The following FGF12 variants were observed in gnomAD, a reference collection of about 807,000 sequenced individuals.
The protein encoded by FGF12 is fibroblast growth factor 12B.
In FGF12, 14 loss-of-function variants were observed where a neutral mutation model predicts 23.6. The ratio of observed to expected loss-of-function variants is 0.59; its 90% CI spans 0.39 to 0.93. The LOEUF (loss-of-function observed/expected upper bound fraction) is 0.93. Ranked by LOEUF, FGF12 falls within the 40% of genes least tolerant of loss-of-function variation. FGF12 has a pLI of 0.00. For synonymous variants in FGF12, 62 were observed against 77.3 expected (o/e 0.80, Z 1.04); for missense variants, 175 against 217.8 (o/e 0.80, Z 1.24).
At chr3:192,433,549 T>C (rs988900322) in intron 2 of FGF12, among the ~76,000 whole-genome samples, 1 of 152,218 alleles carries the variant, frequency 6.6e-6, no homozygotes, top group Non-Finnish European at 1.5e-5. Context: ...AATGTTTTCA[T>C]CCTGTAACAT....
chr3:192,461,498 T>TTA (rs1393190699), intron 2 of FGF12, among the ~76,000 whole-genome samples: 2 of 152,166 alleles, frequency 1.3e-5, no homozygotes, highest in African/African-American at 4.8e-5. Context: ...ATAAGGTAAA[T>TTA]TATAAACTAG....
chr3:192,351,719 C>T (rs1351122457), intron 3 of FGF12, among the ~76,000 whole-genome samples: 7 of 152,164 alleles, frequency 4.6e-5, no homozygotes, highest in Non-Finnish European at 7.3e-5. Flanking sequence ...AGGGAAAACA[C>T]AAAAGCAGAT....
At chr3:192,701,554 A>C (rs567975372) in intron 2 of FGF12, among the ~76,000 whole-genome samples, 34 of 152,316 alleles carry the variant, frequency 2.2e-4, no homozygotes, top group African/African-American at 7.9e-4. Context: ...AACAGCAACC[A>C]AGAGAATTTT....
chr3:192,324,802 T>C (rs1716736316), intron 4 of FGF12, among the ~76,000 whole-genome samples: 1 of 152,168 alleles, frequency 6.6e-6, no homozygotes, highest in African/African-American at 2.4e-5. Context: ...AAGAAAAATA[T>C]AAAATCTGGC....
At chr3:192,404,905 C>G (rs1386838447) in intron 2 of FGF12, among the ~76,000 whole-genome samples, 2 of 152,122 alleles carry the variant, frequency 1.3e-5, no homozygotes, top group Non-Finnish European at 2.9e-5. Context: ...TATCTCTGTT[C>G]TAATTATAAA....
intron 4 of FGF12, among the ~76,000 whole-genome samples, chr3:192,179,549 ATTT>A (rs10608823): frequency 7.2e-6 from 1 of 139,474 alleles, no homozygotes; most frequent in African/African-American, 2.6e-5. Context: ...TGTAAGGTTG[ATTT>A]TTTTTTTTTT....
rs370244844 is a variant in FGF12, at chr3:192,190,722, A to G, written c.229-20066T>C. Among the ~76,000 whole-genome samples the G allele has an allele frequency of 3.1e-3, 472 of 150,970 alleles. 7 individuals carry two copies. Among genetic ancestry groups the G allele is most frequent in the East Asian group, 0.03 (154 of 5,118 alleles). ...CATCTCCTGACCTCGTGATCCGCCC[A>G]CCTCGGCCTCCCAAAGTGCTGGGAT... On this transcript the variant is annotated intron_variant, in intron 4 of 5. Coordinates refer to ENST00000445105, the MANE Select transcript of FGF12 (RefSeq NM_004113.6).
intron 4 of FGF12, among the ~76,000 whole-genome samples, chr3:192,223,682 T>C (rs532786274): frequency 1.3e-5 from 2 of 152,224 alleles, no homozygotes; most frequent in Admixed American, 6.5e-5. Flanking sequence ...TAACTGTCTA[T>C]TACAGGTATA....
At chr3:192,190,468 C>CTTTTTTTTTTTTTTTTTTT (rs34108891) in intron 4 of FGF12, among the ~76,000 whole-genome samples, 2 of 89,104 alleles carry the variant, frequency 2.2e-5, no homozygotes, top group East Asian at 4.0e-4. Flanking sequence ...GCCCAATACT[C>CTTTTTTTTTTTTTTTTTTT]TTTTTTTTTT....
At chr3:192,197,765 A>G (rs922064592) in intron 4 of FGF12, among the ~76,000 whole-genome samples, 1 of 152,002 alleles carries the variant, frequency 6.6e-6, no homozygotes, top group African/African-American at 2.4e-5. Flanking sequence ...ACCAACATGA[A>G]GAAACCCCGT....
chr3:192,223,490 G>A (rs935553646), intron 4 of FGF12, among the ~76,000 whole-genome samples: 1 of 152,062 alleles, frequency 6.6e-6, no homozygotes, highest in African/African-American at 2.4e-5. Context: ...ATCTTACTCC[G>A]TGGCTCCTCA....
rs1199517763 is a variant in FGF12, at chr3:192,408,921, G to A, written c.14-48383C>T. On this transcript the variant is annotated intron_variant, in intron 2 of 5. Transcript: ENST00000445105. The surrounding 1 kb of genome is among the most constrained non-coding windows in gnomAD (Gnocchi z 7.3). ...TCGCGCCGGCTGCGGCTTTCCAGGGGCCGGCCACCCGAGTTCTGGAATTCC... is the reference window on the plus strand; with the variant it reads ...TCGCGCCGGCTGCGGCTTTCCAGGGACCGGCCACCCGAGTTCTGGAATTCC... 5 of 985,178 alleles carry A rather than the reference G, an allele frequency of 5.1e-6. No individual in the cohort carries two copies. The highest frequency in any genetic ancestry group is 4.8e-6 in the Non-Finnish European group (4 of 829,968). 61.0% of individuals were successfully genotyped at this position (985,178 alleles called of 1,614,324 possible).
chr3:192,427,312 C>A (rs1455166168), intron 2 of FGF12, among the ~76,000 whole-genome samples: 1 of 150,870 alleles, frequency 6.6e-6, no homozygotes, highest in African/African-American at 2.4e-5. Context: ...ACCCAGGAGG[C>A]AGAGGTTGCA....
chr3:192,163,527 A>G (rs1236454759), intron 5 of FGF12, among the ~76,000 whole-genome samples: 1 of 152,192 alleles, frequency 6.6e-6, no homozygotes, highest in African/African-American at 2.4e-5. Context: ...ATTTGACCAA[A>G]AGGAGCTTAG....
chr3:192,158,314 CTCTT>C (rs149884882), intron 5 of FGF12, among the ~76,000 whole-genome samples: 9,538 of 119,958 alleles, frequency 0.08, 570 homozygotes, highest in Non-Finnish European at 0.1. Flanking sequence ...TTTCCCTTTT[CTCTT>C]TCTTTCTTTC....
At chr3:192,259,467 T>C (rs1439027562) in intron 4 of FGF12, among the ~76,000 whole-genome samples, 2 of 152,102 alleles carry the variant, frequency 1.3e-5, no homozygotes, top group African/African-American at 4.8e-5. Context: ...TTATGTTATT[T>C]AAAAACTCCA....
At chr3:192,526,790 G>A (rs568534954) in intron 2 of FGF12, among the ~76,000 whole-genome samples, 3 of 152,246 alleles carry the variant, frequency 2.0e-5, no homozygotes, top group Non-Finnish European at 2.9e-5. Context: ...CATATGGTTC[G>A]ACTGAAGATA....
intron 4 of FGF12, chr3:192,283,244 A>G (rs530314433): frequency 6.6e-6 from 1 of 152,260 alleles, no homozygotes; most frequent in African/African-American, 2.4e-5. Context: ...TAGAAGAACT[A>G]TTACTATTTA....
rs1721057525 is a variant in FGF12 at position 192,408,431 on chromosome 3, G to C, written c.14-47893C>G. On this transcript the variant is annotated intron_variant, in intron 2 of 5. Coordinates refer to ENST00000445105, the MANE Select transcript of FGF12 (RefSeq NM_004113.6). The surrounding 1 kb of genome is among the most constrained non-coding windows in gnomAD (Gnocchi z 7.3). ...TGGCGACAAAATGTGTGAAAATCCA[G>C]ATGTAAACTTCCCCAACCTCTGGCG... 2 of 1,396,928 alleles carry C rather than the reference G, an allele frequency of 1.4e-6. No individual in the cohort carries two copies. The highest frequency in any genetic ancestry group is 1.8e-6 in the Non-Finnish European group (2 of 1,081,672). 86.5% of individuals were successfully genotyped at this position (1,396,928 alleles called of 1,614,324 possible). A position where few individuals can be genotyped will look rare whatever the true frequency, so the allele number is the denominator to read the frequency against.
Sources: allele counts gnomAD v4.1 joint callset (sites outside exome capture counted in the v4.1 genomes callset), GRCh38; gene constraint gnomAD v4.1.1; non-coding constraint Gnocchi (gnomAD v3.1); transcripts MANE v1.5; gene names NCBI Gene and HGNC (gene_info 2026-07-23, HGNC 2026-07-21).